RAI14: variants seen among roughly 807,000 people sequenced by gnomAD.
RAI14 encodes retinoic acid induced 14, also known as ankycorbin.
Under a neutral mutation model 115.4 loss-of-function variants are expected in RAI14, and 45 were observed. The ratio of observed to expected loss-of-function variants is 0.39; its 90% CI spans 0.31 to 0.50. The LOEUF is 0.50. RAI14 is among the 20% of genes least tolerant of loss of function. The pLI, the probability that RAI14 is intolerant of heterozygous loss-of-function variation, is 0.85. For synonymous variants in RAI14, 371 were observed against 415.4 expected (o/e 0.89, Z 1.30); for missense variants, 939 against 1,131.2 (o/e 0.83, Z 2.44).
intron 17 of RAI14, 178 bp downstream of exon 17, chr5:34,829,975 CCT>C: frequency 1.8e-6 from 1 of 552,658 alleles, no homozygotes; most frequent in South Asian, 2.7e-5. Flanking sequence ...AGCCTTGTGC[CCT>C]GTTTACCAGG....
At chr5:34,821,691 T>G (rs752400654) in intron 13 of RAI14, 41 bp from the exon 14 acceptor site, 4 of 1,152,700 alleles carry the variant, frequency 3.5e-6, no homozygotes, top group East Asian at 2.4e-5. Flanking sequence ...GAAATAAGAG[T>G]TTAATTGTTT....
chr5:34,676,968 A>C (rs1744024044), intron 1 of RAI14, among the ~76,000 whole-genome samples: 1 of 152,236 alleles, frequency 6.6e-6, no homozygotes, highest in African/African-American at 2.4e-5. Flanking sequence ...GTCTTTTAAC[A>C]AACCTGTACC....
At chr5:34,747,324 G>A (rs1414743626) in intron 2 of RAI14, among the ~76,000 whole-genome samples, 2 of 152,208 alleles carry the variant, frequency 1.3e-5, no homozygotes, top group African/African-American at 2.4e-5. Flanking sequence ...TCCTCGCACT[G>A]TACATTTTAA....
At chr5:34,678,773 C>T (rs185171184) in intron 1 of RAI14, among the ~76,000 whole-genome samples, 23 of 152,194 alleles carry the variant, frequency 1.5e-4, no homozygotes, top group Admixed American at 5.2e-4. Context: ...TCACTGCAGA[C>T]CCCTCTTCTG....
At chr5:34,775,135 T>G (rs985648143) in intron 3 of RAI14, among the ~76,000 whole-genome samples, 6 of 152,178 alleles carry the variant, frequency 3.9e-5, no homozygotes, top group African/African-American at 1.4e-4. Context: ...AAGATTTAAA[T>G]CTAAGACCTC....
intron 5 of RAI14, 21 bp from the exon 6 acceptor site, chr5:34,807,779 G>A: frequency 7.0e-6 from 11 of 1,570,296 alleles, no homozygotes; most frequent in South Asian, 1.1e-5. Context: ...TTATATGGAT[G>A]TATTTATTTT....
intron 12 of RAI14, among the ~76,000 whole-genome samples, chr5:34,815,819 G>A (rs1561075874): frequency 6.6e-6 from 1 of 152,148 alleles, no homozygotes; most frequent in Non-Finnish European, 1.5e-5. Context: ...CACAAAAAAT[G>A]ATAAGTGTGT....
intron 2 of RAI14, among the ~76,000 whole-genome samples, chr5:34,720,745 C>G (rs980775637): frequency 1.3e-5 from 2 of 151,908 alleles, no homozygotes; most frequent in Non-Finnish European, 2.9e-5. Flanking sequence ...AAAGTAATAG[C>G]GCTTTCATGA....
intron 2 of RAI14, among the ~76,000 whole-genome samples, chr5:34,698,070 C>T (rs1477036299): frequency 2.0e-5 from 2 of 100,384 alleles, no homozygotes; most frequent in African/African-American, 4.1e-5. Flanking sequence ...CCCTTTCTCC[C>T]TCCCTTTCCT....
At chr5:34,703,971 T>G (rs1740380005) in intron 2 of RAI14, among the ~76,000 whole-genome samples, 1 of 152,216 alleles carries the variant, frequency 6.6e-6, no homozygotes, top group Non-Finnish European at 1.5e-5. Context: ...GCCTGGACCA[T>G]CAGTATCAGC....
Position 34,710,455 on chromosome 5 carries a change from T to C in RAI14, c.36+23500T>C, listed in dbSNP as rs139367999. Among the ~76,000 whole-genome samples the C allele has an allele frequency of 1.4e-4, 21 of 152,314 alleles. No homozygotes were observed. The East Asian group carries it at 3.9e-3, about 28-fold the overall frequency. On this transcript the variant is annotated intron_variant, in intron 2 of 17. Coordinates refer to ENST00000265109, the MANE Select transcript of RAI14 (RefSeq NM_015577.3). ...CATGGCATAGGCTCTCTGTCAGATATTACCTCAGTATGTGAAAGAACTTGC... is the reference window on the plus strand; with the variant it reads ...CATGGCATAGGCTCTCTGTCAGATACTACCTCAGTATGTGAAAGAACTTGC...
At chr5:34,809,311 G>A (rs955399920) in intron 7 of RAI14, among the ~76,000 whole-genome samples, 1 of 152,122 alleles carries the variant, frequency 6.6e-6, no homozygotes, top group Non-Finnish European at 1.5e-5. Flanking sequence ...TCTGTTTTTA[G>A]TAGTGGTATT....
intron 3 of RAI14, among the ~76,000 whole-genome samples, chr5:34,788,019 C>T (rs1342786956): frequency 6.9e-6 from 1 of 145,098 alleles, no homozygotes; most frequent in African/African-American, 2.5e-5. Flanking sequence ...CAGGCTCATG[C>T]TATCCTTCCG....
chr5:34,824,432 G>T lies in RAI14; in HGVS notation c.2590G>T (p.Ala864Ser). The change falls in exon 15 of 18, where the codon GCA (alanine) becomes TCA (serine). Residue 864 changes from alanine to serine, a missense_variant. Transcript: ENST00000265109. ...QKFQQAQEEL[A>S]EMKRYAESSS... ...ATTCCAGCAAGCTCAGGAAGAACTT[G>T]CAGAAATGAAAAGATACGCTGAGAG... is the stretch of plus-strand genomic sequence containing the variant. 1 of 1,604,802 alleles carries T rather than the reference G, an allele frequency of 6.2e-7. No homozygotes were observed. Among genetic ancestry groups the T allele is most frequent in the East Asian group, 2.2e-5 (1 of 44,666 alleles).
chr5:34,793,691 T>G (rs1054914261), intron 3 of RAI14, among the ~76,000 whole-genome samples: 84 of 152,226 alleles, frequency 5.5e-4, no homozygotes, highest in African/African-American at 1.9e-3. Context: ...ACATGGGCAG[T>G]AGACACTTCC....
chr5:34,784,656 G>C (rs953657127), intron 3 of RAI14, among the ~76,000 whole-genome samples: 1 of 152,178 alleles, frequency 6.6e-6, no homozygotes, highest in African/African-American at 2.4e-5. Context: ...TCCTGCTCAT[G>C]GACAATAACA....
At chr5:34,824,630 C>T (rs1757253857) in intron 15 of RAI14, 139 bp downstream of exon 15, 2 of 709,836 alleles carry the variant, frequency 2.8e-6, no homozygotes, top group East Asian at 2.8e-5. Flanking sequence ...TTATCTGTCA[C>T]CAAAGCCACA....
chr5:34,822,664 CTTTTTTTTTTTTTTTTTTTTTTTT>C (rs143092935), intron 14 of RAI14, among the ~76,000 whole-genome samples: 3 of 47,534 alleles, frequency 6.3e-5, no homozygotes, highest in Non-Finnish European at 8.1e-5. Flanking sequence ...CCTTTGGTAT[CTTTTTTTTTTTTTTTTTTTTTTTT>C]TTTTTTTTTT....
At chr5:34,815,210 G>A (rs1036150681) in intron 12 of RAI14, among the ~76,000 whole-genome samples, 5 of 151,954 alleles carry the variant, frequency 3.3e-5, no homozygotes, top group Admixed American at 1.3e-4. Flanking sequence ...GTGAAACTCC[G>A]TCTCTACTAA....
Sources: gnomAD v4.1 joint callset for allele counts (sites outside exome capture counted in the v4.1 genomes callset) on GRCh38, gnomAD v4.1.1 for gene constraint, MANE v1.5 for transcripts, NCBI Gene and HGNC (gene_info 2026-07-23, HGNC 2026-07-21) for gene names.